Variants in F5 observed in about 807,000 individuals in gnomAD.
F5 encodes coagulation factor V.
A neutral mutation model predicts 216.4 loss-of-function variants in F5; 138 were observed. The observed-to-expected ratio is 0.64, with a 90% confidence interval of 0.56 to 0.73. The LOEUF is 0.73. F5 is among the 30% of genes least tolerant of loss of function. F5 has a pLI of 0.00. For synonymous variants in F5, 916 were observed against 930.7 expected (o/e 0.98, Z 0.29); for missense variants, 2,403 against 2,674.0 (o/e 0.90, Z 2.24).
intron 3 of F5, among the ~76,000 whole-genome samples, chr1:169,569,261 G>A (rs1388842517): frequency 6.6e-6 from 1 of 152,028 alleles, no homozygotes; most frequent in Non-Finnish European, 1.5e-5. Context: ...TTTGTATAGA[G>A]AATTTGGCAA....
chr1:169,535,708 T>A (rs1051440058), intron 14 of F5, among the ~76,000 whole-genome samples: 3 of 152,166 alleles, frequency 2.0e-5, no homozygotes, highest in Non-Finnish European at 4.4e-5. Flanking sequence ...TGAAAAAGGA[T>A]CCCCTAATCA....
chr1:169,547,135 C>T (rs12121164), intron 10 of F5, among the ~76,000 whole-genome samples: 35,820 of 152,092 alleles, frequency 0.24, 4,305 homozygotes, highest in Admixed American at 0.33. Context: ...CACTGCACTC[C>T]AGCCTGGGCA....
intron 13 of F5, among the ~76,000 whole-genome samples, chr1:169,539,736 C>T (rs867598434): frequency 2.6e-5 from 4 of 152,162 alleles, no homozygotes; most frequent in African/African-American, 2.4e-5. Flanking sequence ...TTGACTAAGC[C>T]TTGCTCCTTT....
intron 16 of F5, among the ~76,000 whole-genome samples, chr1:169,528,580 T>C (rs1659514824): frequency 6.6e-6 from 1 of 152,162 alleles, no homozygotes; most frequent in South Asian, 2.1e-4. Context: ...TAGGAGTTTA[T>C]CGTTGGTGTA....
intron 11 of F5, among the ~76,000 whole-genome samples, chr1:169,545,177 C>T (rs1217316293): frequency 6.6e-6 from 1 of 152,094 alleles, no homozygotes; most frequent in Non-Finnish European, 1.5e-5. Flanking sequence ...ATTTAAATAC[C>T]TACTTAAATC....
Position 169,541,267 on chromosome 1 carries a change from G to A in F5, c.3823C>T (p.Pro1275Ser). 1 of 1,537,614 alleles carries A rather than the reference G, an allele frequency of 6.5e-7. No individual in the cohort carries two copies. Among genetic ancestry groups the A allele is most frequent in the Non-Finnish European group, 8.8e-7 (1 of 1,131,682 alleles). ...GTATGGCTGAGGTCTGGAGAAAGGG[G>A]CATCTGACCGAGGGCTGGAGAAAGG... ...TNLSPALGQM[P>S]LSPDLSHTTL... Residue 1275 changes from proline (P) to serine (S), a missense_variant, in exon 13 of 25, where the codon CCC becomes TCC. This residue lies in a region of F5 where 1,425 missense variants were observed against 1,554.8 expected (regional missense o/e 0.92). Coordinates refer to ENST00000367797, the MANE Select transcript of F5 (RefSeq NM_000130.5).
rs983768235 is a variant in F5, at chr1:169,514,257, T to C, written c.*56A>G. The C allele has an allele frequency of 6.5e-7, 1 of 1,549,136 alleles. No homozygotes were observed. The highest frequency in any genetic ancestry group is 8.9e-7 in the Non-Finnish European group (1 of 1,121,620). On this transcript the variant is annotated 3_prime_UTR_variant, in exon 25 of 25. Coordinates refer to ENST00000367797, the MANE Select transcript of F5 (RefSeq NM_000130.5). ...ACACAGCGTAAAATACATTGCCCAT[T>C]CTAAATGGTTTGAGGTCTTAAAGAG...
At chr1:169,576,622 G>C (rs1660855312) in intron 2 of F5, among the ~76,000 whole-genome samples, 1 of 152,068 alleles carries the variant, frequency 6.6e-6, no homozygotes, top group East Asian at 1.9e-4. Context: ...GAATAGTCCA[G>C]ATGTCTACAC....
At chr1:169,529,852 C>A in intron 15 of F5, 34 bp from the exon 16 acceptor site, 1 of 1,557,332 alleles carries the variant, frequency 6.4e-7, no homozygotes, top group Non-Finnish European at 8.9e-7. Context: ...TTGCCTCTTT[C>A]TCAGGAATTT....
At chr1:169,553,997 C>T (rs981694127) in intron 7 of F5, among the ~76,000 whole-genome samples, 2 of 150,160 alleles carry the variant, frequency 1.3e-5, no homozygotes, top group Admixed American at 1.3e-4. Context: ...CTGACTGTTG[C>T]CAAACACTCC....
At chr1:169,517,437 T>G (rs906979699) in intron 23 of F5, among the ~76,000 whole-genome samples, 4 of 152,144 alleles carry the variant, frequency 2.6e-5, no homozygotes, top group Non-Finnish European at 5.9e-5. Flanking sequence ...TCCTTTCTAG[T>G]GGCCTAATTT....
Position 169,530,636 on chromosome 1 carries a change from G to C in F5, c.5208+150C>G, listed in dbSNP as rs1011075175. 4.1e-6 allele frequency: 3 copies of C among 735,842 alleles called. No homozygotes were observed. The African/African-American group carries it at 5.1e-5, about 13-fold the overall frequency. 45.6% of individuals were successfully genotyped at this position (735,842 alleles called of 1,614,324 possible). A position where few individuals can be genotyped will look rare whatever the true frequency, so the allele number is the denominator to read the frequency against. On this transcript the variant is annotated intron_variant, in intron 15 of 24. Coordinates refer to ENST00000367797, the MANE Select transcript of F5 (RefSeq NM_000130.5). ...AGCTGCATGGAGAGTCCCTGGTTATGATAAATGCAGACTGTTAACCACACC... is the reference window on the plus strand; with the variant it reads ...AGCTGCATGGAGAGTCCCTGGTTATCATAAATGCAGACTGTTAACCACACC...
At chr1:169,576,775 A>G (rs1310999960) in intron 2 of F5, among the ~76,000 whole-genome samples, 1 of 152,106 alleles carries the variant, frequency 6.6e-6, no homozygotes, top group African/African-American at 2.4e-5. Flanking sequence ...GGTGCTGACT[A>G]TGCTGCCAAT....
chr1:169,540,207 C>T, intron 13 of F5, 87 bp downstream of exon 13: 1 of 1,420,630 alleles, frequency 7.0e-7, no homozygotes, highest in Non-Finnish European at 9.8e-7. Context: ...GTATAATTTG[C>T]CCACAATTAT....
At chr1:169,554,667 A>G (rs1660268740) in intron 7 of F5, among the ~76,000 whole-genome samples, 1 of 152,228 alleles carries the variant, frequency 6.6e-6, no homozygotes, top group Admixed American at 6.5e-5. Flanking sequence ...ATCTTCCACG[A>G]ACAATATATG....
At chr1:169,583,978 A>C (rs367593990) in intron 1 of F5, among the ~76,000 whole-genome samples, 11 of 152,102 alleles carry the variant, frequency 7.2e-5, no homozygotes, top group African/African-American at 2.4e-4. Context: ...AATTAAATGA[A>C]CTCTTAGCAT....
At position 169,541,516 on chromosome 1, in the gene F5, G is replaced by T. The variant is rs1292653569; in HGVS notation, c.3574C>A (p.Gln1192Lys). ...CTGAGTTCTGGAGAGAGGGTCACCT[G>T]GCTGAGGTCTGGAGAGATGACTGTC... ...WQTVISPDLSQVTLSPELSQT... is the reference protein window; with the variant it reads ...WQTVISPDLSKVTLSPELSQT... The change falls in exon 13 of 25, where the codon CAG becomes AAG. Residue 1192 changes from glutamine to lysine, a missense_variant. Around this residue, in one of 4 missense-constraint regions of F5, gnomAD observed 1,425 missense variants for 1,554.8 expected, o/e 0.92. Transcript: ENST00000367797. 6.2e-7 allele frequency: 1 copy of T among 1,614,020 alleles called. No individual in the cohort carries two copies. The highest frequency in any genetic ancestry group is 2.2e-5 in the East Asian group (1 of 44,894).
At chr1:169,521,448 GA>G (rs1336912854) in intron 21 of F5, among the ~76,000 whole-genome samples, 1 of 152,048 alleles carries the variant, frequency 6.6e-6, no homozygotes, top group Admixed American at 6.6e-5. Flanking sequence ...CCTGGACTTT[GA>G]CCCCCACTTG....
rs905941872 is a variant in F5 at position 169,514,406 on chromosome 1, G to A, written c.6582C>T (p.Pro2194=). Residue 2194 remains proline (P), a synonymous_variant, in exon 25 of 25, where the codon CCC becomes CCT. Coordinates refer to ENST00000367797, the MANE Select transcript of F5 (RefSeq NM_000130.5). ...CACGGATAAACCTGGAAATGATTGG[G>A]GGGTTGAAAAAGTTCTTCACATGTC... ...TKGHVKNFFN[P]PIISRFIRVI... 14 of 1,613,088 alleles carry A rather than the reference G, an allele frequency of 8.7e-6. No individual in the cohort carries two copies. Among genetic ancestry groups the A allele is most frequent in the Non-Finnish European group, 1.2e-5 (14 of 1,179,522 alleles).
Sources: gnomAD v4.1 joint callset for allele counts (sites outside exome capture counted in the v4.1 genomes callset) on GRCh38, gnomAD v4.1.1 for gene constraint, gnomAD v4.1.1 regional missense constraint, MANE v1.5 for transcripts, NCBI Gene and HGNC (gene_info 2026-07-23, HGNC 2026-07-21) for gene names.